Variants in MACROD2 observed in about 807,000 individuals in gnomAD.
MACROD2 encodes the protein mono-ADP ribosylhydrolase 2, also known as ADP-ribose glycohydrolase MACROD2.
Under a neutral mutation model 70.4 loss-of-function variants are expected in MACROD2, and 36 were observed. The ratio of observed to expected loss-of-function variants is 0.51; its 90% CI spans 0.39 to 0.68. The LOEUF (loss-of-function observed/expected upper bound fraction) is 0.68, where lower values mean the gene tolerates loss of function less well. Ranked by LOEUF, MACROD2 falls within the 30% of genes least tolerant of loss-of-function variation. MACROD2 has a pLI of 0.00. For synonymous variants in MACROD2, 172 were observed against 178.8 expected, an observed-to-expected ratio of 0.96 and a Z score of 0.30; for missense variants, 496 against 538.4, an observed-to-expected ratio of 0.92 and a Z score of 0.78.
At chr20:15,582,671 C>T (rs2048541433) in intron 8 of MACROD2, among the ~76,000 whole-genome samples, 1 of 152,130 alleles carries the variant, frequency 6.6e-6, no homozygotes. Flanking sequence ...CTGAAGAATC[C>T]ACTGGCATTC....
chr20:14,396,818 G>A (rs953777096), intron 3 of MACROD2, among the ~76,000 whole-genome samples: 2 of 150,366 alleles, frequency 1.3e-5, no homozygotes, highest in African/African-American at 2.4e-5. Context: ...CCAGCTACTC[G>A]GGAGGCTGAG....
chr20:14,135,819 A>G (rs1381138371), intron 3 of MACROD2, among the ~76,000 whole-genome samples: 1 of 152,214 alleles, frequency 6.6e-6, no homozygotes, highest in Non-Finnish European at 1.5e-5. Context: ...AATTTGTGTC[A>G]TTCTCTTTAT....
chr20:15,366,252 T>C (rs2045407631), intron 6 of MACROD2, among the ~76,000 whole-genome samples: 1 of 152,176 alleles, frequency 6.6e-6, no homozygotes, highest in East Asian at 1.9e-4. Flanking sequence ...CCAATCTCCT[T>C]TTTTTCAGTA....
intron 3 of MACROD2, among the ~76,000 whole-genome samples, chr20:14,490,061 A>G (rs2084777815): frequency 6.6e-6 from 1 of 152,130 alleles, no homozygotes; most frequent in South Asian, 2.1e-4. Flanking sequence ...TTAATGTGTT[A>G]TTGAAAACTG....
At chr20:15,846,417 C>A (rs1052600512) in intron 8 of MACROD2, among the ~76,000 whole-genome samples, 2 of 152,038 alleles carry the variant, frequency 1.3e-5, no homozygotes, top group African/African-American at 2.4e-5. Flanking sequence ...TTTGCCCCAC[C>A]CCTCCAACAT....
chr20:15,896,161 C>G (rs967791491), intron 10 of MACROD2, among the ~76,000 whole-genome samples: 3 of 152,028 alleles, frequency 2.0e-5, no homozygotes, highest in African/African-American at 7.2e-5. Flanking sequence ...GTTTTTTTAG[C>G]TTGGTCATTT....
chr20:15,599,005 C>T (rs2048781797), intron 8 of MACROD2, among the ~76,000 whole-genome samples: 1 of 152,068 alleles, frequency 6.6e-6, no homozygotes, highest in Non-Finnish European at 1.5e-5. Flanking sequence ...GTGCTGGAGC[C>T]ATCAATATCT....
At chr20:14,972,047 ACC>A (rs2074696660) in intron 5 of MACROD2, among the ~76,000 whole-genome samples, 1 of 152,204 alleles carries the variant, frequency 6.6e-6, no homozygotes, top group Non-Finnish European at 1.5e-5. Flanking sequence ...GGAAAACCTT[ACC>A]AAGTACTCCT....
chr20:14,172,157 C>A (rs1215912023), intron 3 of MACROD2, among the ~76,000 whole-genome samples: 3 of 152,090 alleles, frequency 2.0e-5, no homozygotes, highest in Non-Finnish European at 4.4e-5. Context: ...AATAGGTACT[C>A]CTGCTTGCTT....
intron 2 of MACROD2, among the ~76,000 whole-genome samples, chr20:14,079,696 C>G (rs1431216410): frequency 6.6e-6 from 1 of 152,084 alleles, no homozygotes; most frequent in East Asian, 1.9e-4. Context: ...AGTTTATAAC[C>G]AAGGCTTTGA....
intron 5 of MACROD2, among the ~76,000 whole-genome samples, chr20:14,806,314 C>G (rs923035358): frequency 6.6e-6 from 1 of 152,056 alleles, no homozygotes; most frequent in South Asian, 2.1e-4. Context: ...CGACCAGAAG[C>G]AGGGTGGGGC....
intron 3 of MACROD2, chr20:14,127,968 G>A (rs2054673443): frequency 1.9e-6 from 1 of 513,034 alleles, no homozygotes; most frequent in Admixed American, 2.1e-5. Flanking sequence ...TGGGGAAATA[G>A]TCCCAAGAAC....
intron 3 of MACROD2, among the ~76,000 whole-genome samples, chr20:14,463,038 G>T (rs2084391336): frequency 6.6e-6 from 1 of 152,052 alleles, no homozygotes; most frequent in African/African-American, 2.4e-5. Context: ...GGTTCCATAT[G>T]AACTTTAAAG....
At chr20:15,336,991 C>G (rs2078055801) in intron 6 of MACROD2, among the ~76,000 whole-genome samples, 1 of 151,658 alleles carries the variant, frequency 6.6e-6, no homozygotes, top group South Asian at 2.1e-4. Context: ...TTTCTCCACC[C>G]TTGTCTTTGA....
At chr20:15,524,230 C>T (rs1292731186) in intron 8 of MACROD2, among the ~76,000 whole-genome samples, 5 of 151,854 alleles carry the variant, frequency 3.3e-5, no homozygotes, top group Non-Finnish European at 7.4e-5. Flanking sequence ...AGATTTGATG[C>T]TTCTGCTTGG....
At chr20:15,297,989 T>C (rs1600213889) in intron 6 of MACROD2, among the ~76,000 whole-genome samples, 5 of 152,194 alleles carry the variant, frequency 3.3e-5, no homozygotes, top group Non-Finnish European at 7.4e-5. Flanking sequence ...CCAAACAAAT[T>C]GTCCTTCAAA....
At chr20:14,953,411 A>G (rs2074491084) in intron 5 of MACROD2, among the ~76,000 whole-genome samples, 1 of 152,050 alleles carries the variant, frequency 6.6e-6, no homozygotes, top group East Asian at 1.9e-4. Context: ...GGTTCACGCC[A>G]TTCTCCTGTC....
At chr20:15,429,270 T>C (rs1225500893) in intron 6 of MACROD2, among the ~76,000 whole-genome samples, 1 of 152,194 alleles carries the variant, frequency 6.6e-6, no homozygotes, top group Non-Finnish European at 1.5e-5. Context: ...TTAAGTCATT[T>C]AAGAACATTC....
intron 5 of MACROD2, among the ~76,000 whole-genome samples, chr20:14,786,314 G>A (rs879845055): frequency 1.3e-5 from 2 of 151,584 alleles, no homozygotes; most frequent in African/African-American, 2.4e-5. Flanking sequence ...ATCACCATCC[G>A]AAATTCTAAG....
Sources: gnomAD v4.1 joint callset for allele counts (sites outside exome capture counted in the v4.1 genomes callset) on GRCh38, gnomAD v4.1.1 for gene constraint, MANE v1.5 for transcripts, NCBI Gene and HGNC (gene_info 2026-07-23, HGNC 2026-07-21) for gene names.